Variants in RABL3 observed in about 807,000 individuals in gnomAD.
The protein encoded by RABL3 is RAB, member of RAS oncogene family like 3.
RABL3 carries 31 observed loss-of-function variants against 31.8 expected under a neutral mutation model. The observed-to-expected ratio is 0.97, with a 90% CI of 0.73 to 1.31. The LOEUF is 1.31. RABL3 is among the 40% of genes most tolerant of loss of function. The pLI, the probability that RABL3 is intolerant of heterozygous loss-of-function variation, is 0.00. For missense variants in RABL3, 263 were observed against 279.6 expected, an observed-to-expected ratio of 0.94 and a Z score of 0.42; for synonymous variants, 97 against 99.9, an observed-to-expected ratio of 0.97 and a Z score of 0.18.
At chr3:120,735,015 T>C (rs1708938116) in intron 1 of RABL3, among the ~76,000 whole-genome samples, 1 of 152,192 alleles carries the variant, frequency 6.6e-6, no homozygotes, top group African/African-American at 2.4e-5. Context: ...CTTTTTTTGT[T>C]GTGTCTCTGC....
chr3:120,730,813 C>A, intron 1 of RABL3, 26 bp from the exon 2 acceptor site: 2 of 1,467,660 alleles, frequency 1.4e-6, no homozygotes, highest in South Asian at 2.3e-5. Context: ...GAACTCTAGT[C>A]ACATAAGAGA....
intron 1 of RABL3, 100 bp downstream of exon 1, chr3:120,742,362 C>A: frequency 6.1e-6 from 7 of 1,138,264 alleles, no homozygotes; most frequent in Non-Finnish European, 9.3e-6. Context: ...ACTTCAGCCA[C>A]GGGCCGAGGA....
chr3:120,730,910 C>G (rs1463701801), intron 1 of RABL3, 123 bp from the exon 2 acceptor site: 2 of 690,968 alleles, frequency 2.9e-6, no homozygotes, highest in Non-Finnish European at 5.1e-6. Context: ...AATGCCATAC[C>G]AACAATATAA....
Position 120,725,952 on chromosome 3 carries a change from A to G in RABL3, c.138+4744T>C, listed in dbSNP as rs552268853. Among the ~76,000 whole-genome samples the G allele has an allele frequency of 9.8e-5, 15 of 152,354 alleles. No individual in the cohort carries two copies. The South Asian group carries it at 1.4e-3, about 15-fold the overall frequency. ...CCCTAAAACTTAAAGTATAATAAAA[A>G]AATTAAAGAAAAAAACTAAATTAAA... On this transcript the variant is annotated intron_variant, in intron 2 of 7. Transcript: ENST00000273375.
At chr3:120,720,711 G>C (rs1015064070) in intron 2 of RABL3, among the ~76,000 whole-genome samples, 5 of 152,212 alleles carry the variant, frequency 3.3e-5, no homozygotes, top group Admixed American at 6.5e-5. Context: ...ATGTCTGACT[G>C]GTCTACCTGA....
At chr3:120,694,538 G>T (rs181406585) in intron 5 of RABL3, among the ~76,000 whole-genome samples, 70 of 152,094 alleles carry the variant, frequency 4.6e-4, no homozygotes, top group Middle Eastern at 3.4e-3. Flanking sequence ...CTACTGGAGT[G>T]ACCTACCTAC....
At chr3:120,694,315 G>T in intron 5 of RABL3, 91 bp from the exon 6 acceptor site, 1 of 760,182 alleles carries the variant, frequency 1.3e-6, no homozygotes, top group Non-Finnish European at 2.3e-6. Flanking sequence ...ATTTCTGTAG[G>T]CATAATACTA....
intron 2 of RABL3, 108 bp from the exon 3 acceptor site, chr3:120,710,017 C>T: frequency 1.4e-6 from 1 of 730,098 alleles, no homozygotes. Context: ...TTTCTGATCG[C>T]TACCTCTTAT....
intron 7 of RABL3, 150 bp downstream of exon 7, chr3:120,690,299 C>G (rs1316509586): frequency 3.2e-6 from 2 of 617,976 alleles, no homozygotes; most frequent in Non-Finnish European, 5.9e-6. Context: ...TTCTGATTTT[C>G]TCCTTTTGTA....
chr3:120,730,549 C>T, intron 2 of RABL3, 147 bp downstream of exon 2: 1 of 572,832 alleles, frequency 1.7e-6, no homozygotes, highest in South Asian at 2.3e-5. Context: ...TGTAAAGCAA[C>T]TGGCATAGTA....
intron 3 of RABL3, among the ~76,000 whole-genome samples, chr3:120,706,469 A>C (rs1576335584): frequency 6.6e-6 from 1 of 151,994 alleles, no homozygotes; most frequent in Non-Finnish European, 1.5e-5. Context: ...CTTCAAGTAC[A>C]TATGAAATTA....
chr3:120,694,382 G>A (rs1017230673), intron 5 of RABL3, among the ~76,000 whole-genome samples, 158 bp from the exon 6 acceptor site: 3 of 152,020 alleles, frequency 2.0e-5, no homozygotes, highest in Non-Finnish European at 4.4e-5. Flanking sequence ...GGTGCACAAA[G>A]GAGGAAAGTA....
At chr3:120,711,701 G>C (rs1462001686) in intron 2 of RABL3, among the ~76,000 whole-genome samples, 1 of 152,116 alleles carries the variant, frequency 6.6e-6, no homozygotes, top group Non-Finnish European at 1.5e-5. Context: ...GCAGATTAAA[G>C]TATGCTGGTT....
chr3:120,705,943 G>C (rs1708542564), intron 4 of RABL3, 57 bp downstream of exon 4: 6 of 979,752 alleles, frequency 6.1e-6, no homozygotes, highest in African/African-American at 4.8e-5. Flanking sequence ...TGTTATTCAG[G>C]GAAGTACATT....
At position 120,686,525 on chromosome 3, in the gene RABL3, T is replaced by C. The variant is rs151171488; in HGVS notation, c.*3298A>G. On this transcript the variant is annotated 3_prime_UTR_variant, in exon 8 of 8. Transcript: ENST00000273375. Reference sequence around the variant, plus strand: ...CAGGGCACCTGGATTATATCATGAATGCCTCAAGTTTGAGGAATTCTAAGA... The same window carrying C: ...CAGGGCACCTGGATTATATCATGAACGCCTCAAGTTTGAGGAATTCTAAGA... 3.2e-4 allele frequency among the ~76,000 whole-genome samples: 48 copies of C among 152,322 alleles called. No individual in the cohort carries two copies. The highest frequency in any genetic ancestry group is 9.9e-4 in the African/African-American group (41 of 41,576).
chr3:120,705,248 T>C (rs1708535500), intron 4 of RABL3, among the ~76,000 whole-genome samples: 1 of 152,172 alleles, frequency 6.6e-6, no homozygotes, highest in Non-Finnish European at 1.5e-5. Flanking sequence ...ATGTGATCAA[T>C]AGGTTCAATG....
chr3:120,735,078 T>C (rs185384923), intron 1 of RABL3, among the ~76,000 whole-genome samples: 1 of 152,236 alleles, frequency 6.6e-6, no homozygotes, highest in African/African-American at 2.4e-5. Flanking sequence ...TAGGGAGGGT[T>C]CCCTCTTTTT....
At chr3:120,697,384 T>C (rs1708448638) in intron 5 of RABL3, among the ~76,000 whole-genome samples, 1 of 152,230 alleles carries the variant, frequency 6.6e-6, no homozygotes, top group Non-Finnish European at 1.5e-5. Flanking sequence ...AGATGATGCA[T>C]GTGAGATAAT....
At chr3:120,730,487 A>C (rs1022796550) in intron 2 of RABL3, among the ~76,000 whole-genome samples, 1 of 152,134 alleles carries the variant, frequency 6.6e-6, no homozygotes, top group Non-Finnish European at 1.5e-5. Context: ...ACTCTGCCTT[A>C]GTTTCTGCAT....
Sources: gnomAD v4.1 joint callset for allele counts (sites outside exome capture counted in the v4.1 genomes callset) on GRCh38, gnomAD v4.1.1 for gene constraint, MANE v1.5 for transcripts, NCBI Gene and HGNC (gene_info 2026-07-23, HGNC 2026-07-21) for gene names.